The following GLDC variants were observed in gnomAD, a reference collection of about 807,000 sequenced individuals.
GLDC encodes the protein glycine decarboxylase.
Under a neutral mutation model 121.3 loss-of-function variants are expected in GLDC, and 104 were observed. That is an observed-to-expected ratio of 0.86 (90% CI 0.73 to 1.01). GLDC has a LOEUF of 1.01. GLDC is among the 50% of genes least tolerant of loss of function. The pLI is 0.00. For missense variants in GLDC, 1,429 were observed against 1,306.6 expected, an observed-to-expected ratio of 1.09 and a Z score of -1.44; for synonymous variants, 546 against 480.6, an observed-to-expected ratio of 1.14 and a Z score of -1.78.
intron 15 of GLDC, among the ~76,000 whole-genome samples, chr9:6,566,931 A>G (rs996300750): frequency 6.6e-6 from 1 of 152,158 alleles, no homozygotes; most frequent in Non-Finnish European, 1.5e-5. Context: ...GCTACATGCC[A>G]AATGGCCAAC....
intron 5 of GLDC, among the ~76,000 whole-genome samples, chr9:6,606,321 A>ATAATT (rs1388732406): frequency 6.7e-6 from 1 of 149,700 alleles, no homozygotes; most frequent in Non-Finnish European, 1.5e-5. Context: ...AAAAAAAAAA[A>ATAATT]AAAAAAAAGA....
intron 8 of GLDC, among the ~76,000 whole-genome samples, chr9:6,596,307 C>T (rs1228989944): frequency 1.3e-5 from 2 of 152,084 alleles, no homozygotes; most frequent in Non-Finnish European, 1.5e-5. Context: ...CTATATCACA[C>T]GGCTGAACAA....
chr9:6,640,441 G>T (rs1819606777), intron 2 of GLDC, among the ~76,000 whole-genome samples: 1 of 152,214 alleles, frequency 6.6e-6, no homozygotes, highest in African/African-American at 2.4e-5. Flanking sequence ...GTCAGTTCAG[G>T]AGAGTGCGCA....
At position 6,604,665 on chromosome 9, in the gene GLDC, C is replaced by G. The variant is rs1818693268; in HGVS notation, c.981G>C (p.Gly327=). Residue 327 remains glycine (G), a synonymous_variant, in exon 7 of 25, where the codon GGG becomes GGC. Transcript: ENST00000321612. ...CAGCAAAAAATGCTGCATGGGGTCC[C>G]CCATAGCCCAGTGGCACTCCAAATC... ...SQRFGVPLGY[G]GPHAAFFAVR... is the part of the protein sequence containing the mutation. 3 of 1,614,082 alleles carry G rather than the reference C, an allele frequency of 1.9e-6. No homozygotes were observed. The highest frequency in any genetic ancestry group is 1.7e-5 in the Admixed American group (1 of 60,024).
In GLDC at chr9:6,633,821, C is replaced by CTTTTTTTT. The variant is rs1156711956; in HGVS notation, c.334+10785_334+10792dup. Among the ~76,000 whole-genome samples, 6 of 89,458 alleles carry CTTTTTTTT rather than the reference C, an allele frequency of 6.7e-5. 1 individual carries two copies. The highest frequency in any genetic ancestry group is 2.0e-4 in the African/African-American group (4 of 19,958). 58.7% of individuals were successfully genotyped at this position (89,458 alleles called of 152,430 possible). On this transcript the variant is annotated intron_variant, in intron 2 of 24. Coordinates refer to ENST00000321612, the MANE Select transcript of GLDC (RefSeq NM_000170.3). ...ACTTGGGAGGCTGAGGCAGGAGAAT[C>CTTTTTTTT]TTTTTTTTTTTTTTTTTTTTTTTTT...
chr9:6,620,706 T>C (rs1014521246), intron 2 of GLDC, among the ~76,000 whole-genome samples: 1 of 152,230 alleles, frequency 6.6e-6, no homozygotes, highest in Non-Finnish European at 1.5e-5. Flanking sequence ...CCTTCTAAAC[T>C]GCCTCATACT....
rs55988287 is a variant in GLDC at position 6,644,050 on chromosome 9, A to AAAAAAAAAAAAAC, written c.334+563_334+564insGTTTTTTTTTTTT. 9.1e-4 allele frequency among the ~76,000 whole-genome samples: 84 copies of AAAAAAAAAAAAAC among 92,726 alleles called. 2 individuals are homozygous for AAAAAAAAAAAAAC. The highest frequency in any genetic ancestry group is 1.5e-3 in the African/African-American group (32 of 20,942). The allele number at this position is 92,726 out of a possible 152,430, so 60.8% of individuals were successfully genotyped here. ...GTCTCAAAAAAAAAAAAAAAAAAAA[A>AAAAAAAAAAAAAC]CGAAAAAAAAAAGAAAAGAAAAGAA... is the stretch of plus-strand genomic sequence containing the variant. On this transcript the variant is annotated intron_variant, in intron 2 of 24. Transcript: ENST00000321612.
intron 15 of GLDC, among the ~76,000 whole-genome samples, chr9:6,577,775 T>TA (rs1470357557): frequency 6.6e-6 from 1 of 151,956 alleles, no homozygotes; most frequent in Non-Finnish European, 1.5e-5. Flanking sequence ...TATTTTCTTA[T>TA]AATTCCCCTC....
At chr9:6,558,309 AG>A in intron 17 of GLDC, 1 of 609,644 alleles carries the variant, frequency 1.6e-6, no homozygotes, top group African/African-American at 1.8e-5. Context: ...AGAGGCAGGC[AG>A]GTTCTGCAAG....
chr9:6,581,563 T>C (rs183561770), intron 15 of GLDC, among the ~76,000 whole-genome samples: 7 of 152,324 alleles, frequency 4.6e-5, no homozygotes, highest in African/African-American at 1.4e-4. Flanking sequence ...TAACATAGCA[T>C]TTCCAGTGCA....
intron 21 of GLDC, among the ~76,000 whole-genome samples, chr9:6,542,628 G>A (rs991979680): frequency 6.6e-6 from 1 of 151,460 alleles, no homozygotes; most frequent in Non-Finnish European, 1.5e-5. Context: ...GCTCACACTT[G>A]TAATCCCAGC....
At chr9:6,632,674 CG>C (rs1819410207) in intron 2 of GLDC, among the ~76,000 whole-genome samples, 1 of 152,230 alleles carries the variant, frequency 6.6e-6, no homozygotes. Flanking sequence ...CTCTAGCACG[CG>C]CCCCGGTTCA....
chr9:6,539,910 A>G, intron 22 of GLDC, 141 bp downstream of exon 22: 1 of 703,414 alleles, frequency 1.4e-6, no homozygotes, highest in South Asian at 1.6e-5. Flanking sequence ...TTTCTCTATT[A>G]TTTTGGAGGT....
chr9:6,633,296 A>G (rs1194308790), intron 2 of GLDC, among the ~76,000 whole-genome samples: 1 of 151,902 alleles, frequency 6.6e-6, no homozygotes, highest in Non-Finnish European at 1.5e-5. Context: ...TTATTTCCTT[A>G]TATCCTGGCT....
chr9:6,575,153 C>T (rs1360227118), intron 15 of GLDC, among the ~76,000 whole-genome samples: 2 of 150,784 alleles, frequency 1.3e-5, no homozygotes, highest in Non-Finnish European at 2.9e-5. Flanking sequence ...TTGCAGTGAG[C>T]TGAGATCATG....
In GLDC at chr9:6,645,447, C is replaced by A. The variant is rs1278424732; in HGVS notation, c.53G>T (p.Gly18Val). Residue 18 changes from glycine to valine, a missense_variant, in exon 1 of 25, where the codon GGC becomes GTC. By Grantham distance (109) the Gly-to-Val change is moderately radical (BLOSUM62 -3). Coordinates refer to ENST00000321612, the MANE Select transcript of GLDC (RefSeq NM_000170.3). The stretch of plus-strand genomic sequence containing the variant: ...CGATCCCCCAGCCAGGCGGCGGCCG[C>A]CCCCGACCCCGCGGCCCAGGCGCAG... ...WGLRLGRGVG[G>V]GRRLAGGSGP... The A allele has an allele frequency of 2.4e-6, 3 of 1,259,258 alleles. No individual in the cohort carries two copies. The highest frequency in any genetic ancestry group is 3.0e-6 in the Non-Finnish European group (3 of 1,009,308). The allele number at this position is 1,259,258 out of a possible 1,614,324, so 78.0% of individuals were successfully genotyped here.
At chr9:6,561,445 T>C (rs1184662064) in intron 16 of GLDC, among the ~76,000 whole-genome samples, 1 of 152,078 alleles carries the variant, frequency 6.6e-6, no homozygotes, top group African/African-American at 2.4e-5. Flanking sequence ...GGCCAGGAGT[T>C]CAAGACCAGC....
intron 2 of GLDC, among the ~76,000 whole-genome samples, chr9:6,622,459 G>A (rs1003395969): frequency 6.6e-6 from 1 of 151,412 alleles, no homozygotes; most frequent in African/African-American, 2.4e-5. Context: ...GGCCGGGCTG[G>A]TCTCCAGCTC....
chr9:6,575,159 T>C (rs1818038910), intron 15 of GLDC, among the ~76,000 whole-genome samples: 1 of 149,740 alleles, frequency 6.7e-6, no homozygotes. Context: ...TGAGCTGAGA[T>C]CATGCCACTG....
Sources: allele counts gnomAD v4.1 joint callset (sites outside exome capture counted in the v4.1 genomes callset), GRCh38; gene constraint gnomAD v4.1.1; transcripts MANE v1.5; gene names NCBI Gene and HGNC (gene_info 2026-07-23, HGNC 2026-07-21).